FITM2: variants seen among roughly 807,000 people sequenced by gnomAD.
FITM2 encodes the protein fat storage inducing transmembrane protein 2, also known as acyl-coenzyme A diphosphatase FITM2.
In FITM2, 16 loss-of-function variants were observed where a neutral mutation model predicts 23.3. The observed-to-expected ratio is 0.69, with a 90% CI of 0.47 to 1.05. The LOEUF (loss-of-function observed/expected upper bound fraction) is 1.05. Ranked by LOEUF, FITM2 falls within the 50% of genes least tolerant of loss-of-function variation. The pLI, the probability that FITM2 is intolerant of heterozygous loss-of-function variation, is 0.00. For synonymous variants in FITM2, 132 were observed against 142.0 expected (o/e 0.93, Z 0.50); for missense variants, 273 against 327.5 (o/e 0.83, Z 1.29).
rs2062686069 is a variant in FITM2, at chr20:44,305,128, CCAAT to C, written c.*1493_*1496del. The C allele has an allele frequency of 6.6e-6, 1 of 152,148 alleles. No homozygotes were observed. The highest frequency in any genetic ancestry group is 2.4e-5 in the African/African-American group (1 of 41,420). 9.4% of individuals were successfully genotyped at this position (152,148 alleles called of 1,614,324 possible). On this transcript the variant is annotated 3_prime_UTR_variant, in exon 2 of 2. Coordinates refer to ENST00000396825, the MANE Select transcript of FITM2 (RefSeq NM_001080472.4). ...TACATTAGTGTTCTAAACCAACCAA[CCAAT>C]CAACCAGCCAACCAACCAACCAACA...
Position 44,311,173 on chromosome 20 carries a change from T to G in FITM2, c.-25A>C. The G allele has an allele frequency of 1.2e-6, 2 of 1,602,412 alleles. No homozygotes were observed. The highest frequency in any genetic ancestry group is 1.1e-5 in the South Asian group (1 of 89,882). On this transcript the variant is annotated 5_prime_UTR_variant, in exon 1 of 2. Transcript: ENST00000396825. ...TGCCGGATCTCGTCAGCCACCGTCC[T>G]CCTCTCCGTGCCCTCTCGGCCACCG...
rs2062681582 is a variant in FITM2 at position 44,303,247 on chromosome 20, A to C, written c.*3378T>G. 6.6e-6 allele frequency: 1 copy of C among 152,104 alleles called. No individual in the cohort carries two copies. Among genetic ancestry groups the C allele is most frequent in the South Asian group, 2.1e-4 (1 of 4,830 alleles). The allele number at this position is 152,104 out of a possible 1,614,324, so 9.4% of individuals were successfully genotyped here. ...AGATGCTGAGCACTTTACATGCACCATTTCTCTTCATCTCCACCTGACAGA... is the reference window on the plus strand; with the variant it reads ...AGATGCTGAGCACTTTACATGCACCCTTTCTCTTCATCTCCACCTGACAGA... On this transcript the variant is annotated 3_prime_UTR_variant, in exon 2 of 2. Transcript: ENST00000396825.
intron 1 of FITM2, 104 bp downstream of exon 1, chr20:44,310,872 C>T: frequency 1.4e-6 from 2 of 1,392,506 alleles, no homozygotes; most frequent in Non-Finnish European, 1.9e-6. Context: ...GGAGGACCTC[C>T]CCTCCAATGA....
rs557878050 is a variant in FITM2, at chr20:44,303,055, G to T, written c.*3570C>A. On this transcript the variant is annotated 3_prime_UTR_variant, in exon 2 of 2. Coordinates refer to ENST00000396825, the MANE Select transcript of FITM2 (RefSeq NM_001080472.4). ...GATCACAGATGCCCCCAGAGCCTGGGGGTAACCGACACTTTTCAACATAAT... is the reference window on the plus strand; with the variant it reads ...GATCACAGATGCCCCCAGAGCCTGGTGGTAACCGACACTTTTCAACATAAT... 6.6e-6 allele frequency: 1 copy of T among 152,058 alleles called. No individual in the cohort carries two copies. The highest frequency in any genetic ancestry group is 1.5e-5 in the Non-Finnish European group (1 of 68,016). The allele number at this position is 152,058 out of a possible 1,614,324, so 9.4% of individuals were successfully genotyped here.
intron 1 of FITM2, among the ~76,000 whole-genome samples, chr20:44,310,105 G>A (rs2062700885): frequency 6.6e-6 from 1 of 152,204 alleles, no homozygotes; most frequent in African/African-American, 2.4e-5. Flanking sequence ...GCCTGTGAAA[G>A]GAACCAGGGT....
chr20:44,306,494 A>C lies in FITM2; in HGVS notation c.*131T>G. The C allele has an allele frequency of 7.8e-7, 1 of 1,282,638 alleles. No individual in the cohort carries two copies. The highest frequency in any genetic ancestry group is 1.1e-6 in the Non-Finnish European group (1 of 942,642). The allele number at this position is 1,282,638 out of a possible 1,614,324, so 79.5% of individuals were successfully genotyped here. ...CTAAACTCACTCCCCAGACTTCAGCACCACCCACCAAAACTGCCTGGTACA... is the reference window on the plus strand; with the variant it reads ...CTAAACTCACTCCCCAGACTTCAGCCCCACCCACCAAAACTGCCTGGTACA... On this transcript the variant is annotated 3_prime_UTR_variant, in exon 2 of 2. Coordinates refer to ENST00000396825, the MANE Select transcript of FITM2 (RefSeq NM_001080472.4).
Position 44,303,307 on chromosome 20 carries a change from A to G in FITM2, c.*3318T>C, listed in dbSNP as rs2062681784. 1 of 152,184 alleles carries G rather than the reference A, an allele frequency of 6.6e-6. No individual in the cohort carries two copies. Among genetic ancestry groups the G allele is most frequent in the South Asian group, 2.1e-4 (1 of 4,830 alleles). 9.4% of individuals were successfully genotyped at this position (152,184 alleles called of 1,614,324 possible). On this transcript the variant is annotated 3_prime_UTR_variant, in exon 2 of 2. Transcript: ENST00000396825. ...CGAGGTTTGCCATGATCACACAGCT[A>G]TCAGGAGTGGTGCCAAGATATGAAC...
chr20:44,310,169 A>G (rs1192730999), intron 1 of FITM2, among the ~76,000 whole-genome samples: 1 of 152,232 alleles, frequency 6.6e-6, no homozygotes, highest in Non-Finnish European at 1.5e-5. Flanking sequence ...AGAGACACTT[A>G]TTCTGGAAAA....
intron 1 of FITM2, among the ~76,000 whole-genome samples, chr20:44,309,932 T>C (rs2062700442): frequency 6.6e-6 from 1 of 152,152 alleles, no homozygotes; most frequent in Non-Finnish European, 1.5e-5. Flanking sequence ...GCCCAGCCTC[T>C]CAGGGTGGGT....
In FITM2 at chr20:44,306,521, T is replaced by C; in HGVS notation, c.*104A>G. 6.7e-7 allele frequency: 1 copy of C among 1,493,546 alleles called. No individual in the cohort carries two copies. Among genetic ancestry groups the C allele is most frequent in the Non-Finnish European group, 9.0e-7 (1 of 1,117,258 alleles). The allele number at this position is 1,493,546 out of a possible 1,614,324, so 92.5% of individuals were successfully genotyped here. A position where few individuals can be genotyped will look rare whatever the true frequency, so the allele number is the denominator to read the frequency against. On this transcript the variant is annotated 3_prime_UTR_variant, in exon 2 of 2. Transcript: ENST00000396825. Reference sequence around the variant, plus strand: ...CACCCACCAAAACTGCCTGGTACACTTTCCCTCTGAAGTAGGATCAATAAT... The same window carrying C: ...CACCCACCAAAACTGCCTGGTACACCTTCCCTCTGAAGTAGGATCAATAAT...
rs775521222 is a variant in FITM2 at position 44,306,807 on chromosome 20, C to T, written c.607G>A (p.Val203Met). ...ACAGCTGTGCACAGAAACATCAACA[C>T]CCAGATGAAAGTCAGAATGCCCAGG... ...VALGILTFIW[V>M]LMFLCTAVYF... Residue 203 changes from valine to methionine, a missense_variant, in exon 2 of 2, where the codon GTG (valine) becomes ATG (methionine). By Grantham distance (21) the Val-to-Met change is conservative. Transcript: ENST00000396825. 1 of 1,614,044 alleles carries T rather than the reference C, an allele frequency of 6.2e-7. No homozygotes were observed. Among genetic ancestry groups the T allele is most frequent in the Non-Finnish European group, 8.5e-7 (1 of 1,180,046 alleles).
intron 1 of FITM2, among the ~76,000 whole-genome samples, chr20:44,308,519 A>G (rs1360302754): frequency 2.0e-5 from 3 of 151,946 alleles, no homozygotes; most frequent in Non-Finnish European, 4.4e-5. Context: ...CTCCCATACC[A>G]TATGTGGTTT....
chr20:44,307,794 A>G (rs746298535), intron 1 of FITM2, among the ~76,000 whole-genome samples: 3 of 151,064 alleles, frequency 2.0e-5, no homozygotes, highest in Non-Finnish European at 4.4e-5. Flanking sequence ...TCCATTAACA[A>G]CTCTATGAGT....
chr20:44,310,283 A>G (rs557690458), intron 1 of FITM2, among the ~76,000 whole-genome samples: 2 of 152,326 alleles, frequency 1.3e-5, no homozygotes, highest in Non-Finnish European at 2.9e-5. Flanking sequence ...AGTTTTGAAA[A>G]AAGCAAGTAA....
intron 1 of FITM2, among the ~76,000 whole-genome samples, chr20:44,309,118 C>T (rs1202095345): frequency 2.0e-5 from 3 of 152,024 alleles, no homozygotes; most frequent in Admixed American, 6.6e-5. Context: ...CCTCAGCCTC[C>T]GGAGTAGCTG....
At chr20:44,308,795 A>C (rs899597809) in intron 1 of FITM2, among the ~76,000 whole-genome samples, 2 of 152,088 alleles carry the variant, frequency 1.3e-5, no homozygotes, top group Non-Finnish European at 2.9e-5. Context: ...ATCCTGCCTC[A>C]GCCTCCCAAA....
Position 44,307,119 on chromosome 20 carries a change from C to T in FITM2, c.295G>A (p.Val99Met). The change falls in exon 2 of 2, where the codon GTG (valine) becomes ATG (methionine). Residue 99 changes from valine (V) to methionine (M), a missense_variant. This residue lies in a region of FITM2 where 117 missense variants were observed against 183.3 expected (regional missense o/e 0.64). Transcript: ENST00000396825. ...LVLRRLSTLL[V>M]GTAIWYICTS... ...CAGATGTACCAGATGGCCGTGCCCA[C>T]AAGCAGGGTGCTCAGCCGCCGCAGG... 6.2e-7 allele frequency: 1 copy of T among 1,614,230 alleles called. No individual in the cohort carries two copies. Among genetic ancestry groups the T allele is most frequent in the Non-Finnish European group, 8.5e-7 (1 of 1,180,038 alleles).
At chr20:44,307,487 G>A (rs1355267776) in intron 1 of FITM2, among the ~76,000 whole-genome samples, 7 of 151,912 alleles carry the variant, frequency 4.6e-5, no homozygotes, top group African/African-American at 7.3e-5. Flanking sequence ...GTGCAGTGGC[G>A]CAATCTCAGC....
At chr20:44,309,211 A>G (rs2146091676) in intron 1 of FITM2, among the ~76,000 whole-genome samples, 1 of 144,524 alleles carries the variant, frequency 6.9e-6, no homozygotes, top group South Asian at 2.2e-4. Context: ...ACAAAGTCTC[A>G]CTCTGCCATC....
Sources: allele counts gnomAD v4.1 joint callset (sites outside exome capture counted in the v4.1 genomes callset), GRCh38; gene constraint gnomAD v4.1.1; regional missense constraint gnomAD v4.1.1; transcripts MANE v1.5; gene names NCBI Gene and HGNC (gene_info 2026-07-23, HGNC 2026-07-21).